Variants in ATP13A5 observed in about 807,000 individuals in gnomAD.
ATP13A5 encodes the protein ATPase 13A5.
ATP13A5 carries 149 observed loss-of-function variants against 150.2 expected under a neutral mutation model. The ratio of observed to expected loss-of-function variants is 0.99; its 90% confidence interval spans 0.87 to 1.14. The LOEUF (loss-of-function observed/expected upper bound fraction) is 1.14, where lower values mean the gene tolerates loss of function less well. Ranked by LOEUF, ATP13A5 falls within the 50% of genes most tolerant of loss-of-function variation. ATP13A5 has a pLI of 0.00. For missense variants in ATP13A5, 1,383 were observed against 1,449.3 expected (o/e 0.95, Z 0.74); for synonymous variants, 497 against 522.2 (o/e 0.95, Z 0.66).
At chr3:193,337,437 A>G (rs975044051) in intron 9 of ATP13A5, among the ~76,000 whole-genome samples, 3 of 151,982 alleles carry the variant, frequency 2.0e-5, no homozygotes, top group South Asian at 2.1e-4. Flanking sequence ...AAGGGATCCA[A>G]TTTCAGCTTT....
intron 6 of ATP13A5, among the ~76,000 whole-genome samples, 154 bp from the exon 7 acceptor site, chr3:193,351,355 T>C (rs538774855): frequency 2.3e-4 from 35 of 152,316 alleles, no homozygotes; most frequent in African/African-American, 8.2e-4. Flanking sequence ...TGATTTGGGT[T>C]GAGAAAATGT....
intron 27 of ATP13A5, among the ~76,000 whole-genome samples, chr3:193,280,003 A>AAT (rs1553808806): frequency 6.8e-6 from 1 of 147,732 alleles, no homozygotes; most frequent in East Asian, 2.0e-4. Flanking sequence ...AAAAAAAAAA[A>AAT]GCCCTGTGTA....
intron 29 of ATP13A5, 93 bp downstream of exon 29, chr3:193,276,657 G>A (rs1717222092): frequency 7.1e-6 from 6 of 847,914 alleles, no homozygotes; most frequent in Non-Finnish European, 1.1e-5. Context: ...CATTTTGGGG[G>A]ATCAAAGTGG....
At chr3:193,303,191 C>T (rs956197387) in intron 23 of ATP13A5, among the ~76,000 whole-genome samples, 1 of 152,124 alleles carries the variant, frequency 6.6e-6, no homozygotes, top group Non-Finnish European at 1.5e-5. Flanking sequence ...CCAACTGGCC[C>T]CTGCATTCTC....
chr3:193,296,775 G>A (rs796527753), intron 25 of ATP13A5, among the ~76,000 whole-genome samples: 3 of 152,150 alleles, frequency 2.0e-5, no homozygotes, highest in African/African-American at 7.2e-5. Context: ...AATTACTTTG[G>A]GCAGTATGGC....
chr3:193,321,567 G>C (rs1719278166), intron 16 of ATP13A5, 114 bp downstream of exon 16: 1 of 1,157,724 alleles, frequency 8.6e-7, no homozygotes, highest in Non-Finnish European at 1.2e-6. Flanking sequence ...GGAGGTGGAG[G>C]CTACAGTGAG....
Position 193,322,522 on chromosome 3 carries a change from T to C in ATP13A5, c.1727A>G (p.Asn576Ser). Residue 576 changes from asparagine to serine, a missense_variant, in exon 15 of 30, where the codon AAC (asparagine) becomes AGC (serine). By Grantham distance (46) the Asn-to-Ser change is conservative. This residue lies in a region of ATP13A5 where 787 missense variants were observed against 771.9 expected (regional missense o/e 1.02). Transcript: ENST00000342358. ...GGCTTTTGGTCCTGGTTTTATGATGTTTGAAACTGACGTCCCAAATTTGCA... is the reference window on the plus strand; with the variant it reads ...GGCTTTTGGTCCTGGTTTTATGATGCTTGAAACTGACGTCCCAAATTTGCA... ...DSCKFGTSVS[N>S]IIKPGPKASK... The C allele has an allele frequency of 6.2e-7, 1 of 1,613,982 alleles. No individual in the cohort carries two copies. The highest frequency in any genetic ancestry group is 1.1e-5 in the South Asian group (1 of 91,034).
At chr3:193,292,055 T>G (rs1717975825) in intron 25 of ATP13A5, among the ~76,000 whole-genome samples, 2 of 152,026 alleles carry the variant, frequency 1.3e-5, no homozygotes, top group African/African-American at 4.8e-5. Context: ...GGCTGGTGTC[T>G]GAAGTGAGGG....
At chr3:193,376,717 C>A (rs1456516515) in intron 1 of ATP13A5, among the ~76,000 whole-genome samples, 1 of 152,142 alleles carries the variant, frequency 6.6e-6, no homozygotes, top group African/African-American at 2.4e-5. Context: ...TTCTGATAGG[C>A]CCCAGTATGT....
In ATP13A5 at chr3:193,307,349, C is replaced by G; in HGVS notation, c.2546G>C (p.Gly849Ala). ...CACCCCACAGTCGTTAGCTCCATCT[C>G]CACACATGCCCACATAATAACTGCG... ...QKLNYYVGMC[G>A]DGANDCGALK... Residue 849 changes from glycine (G) to alanine (A), a missense_variant, in exon 22 of 30, where the codon GGA becomes GCA. Physicochemically the swap from Gly to Ala is moderately conservative, Grantham distance 60 (BLOSUM62 0). Transcript: ENST00000342358. 1.9e-6 allele frequency: 3 copies of G among 1,613,758 alleles called. No individual in the cohort carries two copies. The highest frequency in any genetic ancestry group is 2.5e-6 in the Non-Finnish European group (3 of 1,179,842).
chr3:193,296,053 G>A (rs1181193604), intron 25 of ATP13A5, among the ~76,000 whole-genome samples: 1 of 152,120 alleles, frequency 6.6e-6, no homozygotes, highest in East Asian at 1.9e-4. Flanking sequence ...TGTCTGGTAG[G>A]TTAAGTAGAA....
At position 193,289,865 on chromosome 3, in the gene ATP13A5, C is replaced by T; in HGVS notation, c.3023+20G>A. Reference sequence around the variant, plus strand: ...TTATTAAATTACCTTTCGAAAGCAGCACTAAGAAAATGAACTTACCTGTAT... The same window carrying T: ...TTATTAAATTACCTTTCGAAAGCAGTACTAAGAAAATGAACTTACCTGTAT... On this transcript the variant is annotated intron_variant, in intron 26 of 29. Transcript: ENST00000342358. The T allele has an allele frequency of 6.4e-7, 1 of 1,556,922 alleles. No individual in the cohort carries two copies. The highest frequency in any genetic ancestry group is 8.7e-7 in the Non-Finnish European group (1 of 1,152,690).
Position 193,289,884 on chromosome 3 carries a change from C to T in ATP13A5, c.3023+1G>A. ...AAGCAGCACTAAGAAAATGAACTTACCTGTATTGGTAGACCTCACAATACC... is the reference window on the plus strand; with the variant it reads ...AAGCAGCACTAAGAAAATGAACTTATCTGTATTGGTAGACCTCACAATACC... On this transcript the variant is annotated splice_donor_variant, in intron 26 of 29. Transcript: ENST00000342358. LOFTEE classifies it high-confidence loss of function. The T allele has an allele frequency of 3.1e-6, 5 of 1,587,978 alleles. No individual in the cohort carries two copies. The highest frequency in any genetic ancestry group is 4.3e-6 in the Non-Finnish European group (5 of 1,169,422).
chr3:193,307,286 T>C lies in ATP13A5; in HGVS notation c.2568+41A>G, dbSNP rs747090170. The C allele has an allele frequency of 1.9e-6, 3 of 1,613,440 alleles. No individual in the cohort carries two copies. In the Admixed American group the frequency reaches 5.0e-5, roughly 27 times the overall value. ...GAGCCTGAGGTCCTCCAGAGGGATA[T>C]TAGTGAGTGGCTTGTCTGAGCAAAA... On this transcript the variant is annotated intron_variant, in intron 22 of 29. Transcript: ENST00000342358.
At chr3:193,277,285 G>A (rs1277107630) in intron 28 of ATP13A5, among the ~76,000 whole-genome samples, 1 of 152,206 alleles carries the variant, frequency 6.6e-6, no homozygotes, top group African/African-American at 2.4e-5. Context: ...GAGACTAGAT[G>A]CAGATTGCTT....
chr3:193,314,869 C>T (rs2108855369), intron 18 of ATP13A5, 103 bp downstream of exon 18: 5 of 1,447,106 alleles, frequency 3.5e-6, no homozygotes, highest in Admixed American at 2.0e-5. Context: ...GACAACAGAA[C>T]ATTTTTCCCT....
At position 193,362,469 on chromosome 3, in the gene ATP13A5, G is replaced by A. The variant is rs756704393; in HGVS notation, c.456-8C>T. The A allele has an allele frequency of 2.5e-6, 4 of 1,613,914 alleles. No individual in the cohort carries two copies. Among genetic ancestry groups the A allele is most frequent in the African/African-American group, 2.7e-5 (2 of 74,936 alleles). Reference sequence around the variant, plus strand: ...TTGCTGTCTTCTAGCAACCTAGGATGTATTCAGGATAGGAACCACACTTCA... The same window carrying A: ...TTGCTGTCTTCTAGCAACCTAGGATATATTCAGGATAGGAACCACACTTCA... On this transcript the variant is annotated splice_polypyrimidine_tract_variant and splice_region_variant and intron_variant, in intron 4 of 29. Coordinates refer to ENST00000342358, the MANE Select transcript of ATP13A5 (RefSeq NM_198505.4).
chr3:193,361,855 T>A (rs1713017898), intron 5 of ATP13A5, among the ~76,000 whole-genome samples: 1 of 152,224 alleles, frequency 6.6e-6, no homozygotes, highest in Admixed American at 6.5e-5. Flanking sequence ...ATTTGTTATT[T>A]AACAAATCAA....
chr3:193,368,487 T>C (rs1713329954), intron 1 of ATP13A5, among the ~76,000 whole-genome samples: 1 of 151,628 alleles, frequency 6.6e-6, no homozygotes, highest in African/African-American at 2.4e-5. Context: ...GTCAAGACAA[T>C]TTTTGAAACG....
Sources: allele counts gnomAD v4.1 joint callset (sites outside exome capture counted in the v4.1 genomes callset), GRCh38; gene constraint gnomAD v4.1.1; regional missense constraint gnomAD v4.1.1; transcripts MANE v1.5; gene names NCBI Gene and HGNC (gene_info 2026-07-23, HGNC 2026-07-21).